AXDND1: variants seen among roughly 807,000 people sequenced by gnomAD.
The protein encoded by AXDND1 is axonemal dynein light chain domain containing 1, also known as axonemal dynein light chain domain-containing protein 1.
AXDND1 carries 110 observed loss-of-function variants against 137.5 expected under a neutral mutation model. The ratio of observed to expected loss-of-function variants is 0.80; its 90% confidence interval spans 0.69 to 0.94. The LOEUF is 0.94. Ranked by LOEUF, AXDND1 falls within the 40% of genes least tolerant of loss-of-function variation. The pLI, the probability that AXDND1 is intolerant of heterozygous loss-of-function variation, is 0.00. For missense variants in AXDND1, 1,191 were observed against 1,169.8 expected (o/e 1.02, Z -0.26); for synonymous variants, 414 against 399.7 (o/e 1.04, Z -0.43).
rs369066860 is a variant in AXDND1 at position 179,430,513 on chromosome 1, A to G, written c.1394A>G (p.Lys465Arg). 11 of 1,613,956 alleles carry G rather than the reference A, an allele frequency of 6.8e-6. No individual in the cohort carries two copies. Among genetic ancestry groups the G allele is most frequent in the Non-Finnish European group, 8.5e-6 (10 of 1,179,992 alleles). ...CAAAAATGGAGAAACTTAGTGAATA[A>G]ACTTAAACAAGAGGTAGAACAAATG... ...LTQKWRNLVN[K>R]LKQEVEQMEE... The change falls in exon 14 of 26, where the codon AAA becomes AGA. Residue 465 changes from lysine (K) to arginine (R), a missense_variant. Physicochemically the swap from Lys to Arg is conservative, Grantham distance 26. Transcript: ENST00000367618.
chr1:179,530,236 G>A (rs1331640950), intron 23 of AXDND1, among the ~76,000 whole-genome samples: 1 of 152,014 alleles, frequency 6.6e-6, no homozygotes, highest in Non-Finnish European at 1.5e-5. Flanking sequence ...TCATTATGTT[G>A]GTCAGGCTGG....
chr1:179,421,124 T>G (rs146755662), intron 12 of AXDND1, among the ~76,000 whole-genome samples: 1 of 150,614 alleles, frequency 6.6e-6, no homozygotes, highest in Admixed American at 6.7e-5. Context: ...GATGGTTGGC[T>G]ATATATGCAT....
chr1:179,527,535 A>T (rs1238347071), intron 22 of AXDND1, among the ~76,000 whole-genome samples: 1 of 152,174 alleles, frequency 6.6e-6, no homozygotes, highest in African/African-American at 2.4e-5. Flanking sequence ...TGAAGTCAAC[A>T]GTTACACTAG....
intron 21 of AXDND1, among the ~76,000 whole-genome samples, chr1:179,524,986 A>G (rs1670397531): frequency 6.6e-6 from 1 of 152,144 alleles, no homozygotes. Flanking sequence ...AATCATGTGC[A>G]TGGAACATCC....
chr1:179,485,742 C>A (rs1205583032), intron 18 of AXDND1, among the ~76,000 whole-genome samples: 1 of 102,684 alleles, frequency 9.7e-6, no homozygotes, highest in East Asian at 4.8e-4. Context: ...AGATCATCAA[C>A]GTACAAGAAA....
chr1:179,495,026 G>C (rs1667302359), intron 20 of AXDND1, among the ~76,000 whole-genome samples: 1 of 151,972 alleles, frequency 6.6e-6, no homozygotes, highest in African/African-American at 2.4e-5. Flanking sequence ...TATATGTCTT[G>C]GTATTATTCT....
chr1:179,411,962 C>G (rs1653968465), intron 12 of AXDND1, among the ~76,000 whole-genome samples: 1 of 152,044 alleles, frequency 6.6e-6, no homozygotes, highest in African/African-American at 2.4e-5. Context: ...AGCAATTCTC[C>G]CACCTCAGCC....
At chr1:179,551,692 G>A in intron 25 of AXDND1, 1 of 527,158 alleles carries the variant, frequency 1.9e-6, no homozygotes, top group Non-Finnish European at 3.4e-6. Flanking sequence ...AAGTATTAGG[G>A]GAGTTATTAG....
intron 11 of AXDND1, among the ~76,000 whole-genome samples, chr1:179,403,454 A>G (rs1037707136): frequency 2.0e-5 from 3 of 152,216 alleles, no homozygotes; most frequent in African/African-American, 7.2e-5. Flanking sequence ...GTGTTATTCA[A>G]GGTTTATGTT....
rs1659020153 is a variant in AXDND1, at chr1:179,441,766, T to C, written c.1564-3204T>C. The stretch of plus-strand genomic sequence containing the variant: ...TGCCATTTAACATTCCAGGTCTGAA[T>C]AAGGGCTATTACCTAACAGCATATC... On this transcript the variant is annotated intron_variant, in intron 15 of 25. Coordinates refer to ENST00000367618, the MANE Select transcript of AXDND1 (RefSeq NM_144696.6). 3.9e-5 allele frequency among the ~76,000 whole-genome samples: 6 copies of C among 152,204 alleles called. No homozygotes were observed. In the South Asian group the frequency reaches 1.0e-3, roughly 26 times the overall value.
In AXDND1 at chr1:179,499,257, G is replaced by T. The variant is rs145518844; in HGVS notation, c.2388+6306G>T. On this transcript the variant is annotated intron_variant, in intron 20 of 25. Coordinates refer to ENST00000367618, the MANE Select transcript of AXDND1 (RefSeq NM_144696.6). ...TATTTATATAATAGAACATTATTTG[G>T]CAGTAAAGAAGTACTGATACATGCA... Among the ~76,000 whole-genome samples, 180 of 152,200 alleles carry T rather than the reference G, an allele frequency of 1.2e-3. 1 individual carries two copies. Among genetic ancestry groups the T allele is most frequent in the African/African-American group, 4.1e-3 (172 of 41,542 alleles).
At chr1:179,486,668 C>G (rs1003454155) in intron 18 of AXDND1, among the ~76,000 whole-genome samples, 3 of 148,782 alleles carry the variant, frequency 2.0e-5, no homozygotes, top group Admixed American at 1.3e-4. Flanking sequence ...AAATTGTGGG[C>G]TTATGTTCAG....
At chr1:179,525,636 A>G (rs1670465073) in intron 22 of AXDND1, among the ~76,000 whole-genome samples, 189 bp downstream of exon 22, 1 of 152,100 alleles carries the variant, frequency 6.6e-6, no homozygotes, top group African/African-American at 2.4e-5. Context: ...AGCTAGGACT[A>G]CAGGCATGCA....
At chr1:179,550,845 A>G (rs1356025799) in intron 25 of AXDND1, 2 of 379,382 alleles carry the variant, frequency 5.3e-6, no homozygotes, top group Admixed American at 7.4e-5. Flanking sequence ...CAGAGGACAT[A>G]CAGTGAAAGG....
At chr1:179,523,977 C>G (rs1197289892) in intron 21 of AXDND1, among the ~76,000 whole-genome samples, 1 of 152,102 alleles carries the variant, frequency 6.6e-6, no homozygotes, top group Non-Finnish European at 1.5e-5. Context: ...TTTTCCATTC[C>G]TGAGTTACTT....
intron 21 of AXDND1, among the ~76,000 whole-genome samples, chr1:179,514,164 A>G (rs1257034876): frequency 6.6e-6 from 1 of 151,888 alleles, no homozygotes; most frequent in Non-Finnish European, 1.5e-5. Flanking sequence ...TGACCTTAGA[A>G]TGTCGGTTTG....
At chr1:179,417,973 TA>T (rs1558147920) in intron 12 of AXDND1, among the ~76,000 whole-genome samples, 2 of 149,848 alleles carry the variant, frequency 1.3e-5, no homozygotes. Context: ...TATTTTTATT[TA>T]TTTATTTTTA....
At chr1:179,419,380 G>A (rs1655290555) in intron 12 of AXDND1, among the ~76,000 whole-genome samples, 1 of 150,668 alleles carries the variant, frequency 6.6e-6, no homozygotes, top group African/African-American at 2.4e-5. Flanking sequence ...GGGAGGCCAA[G>A]GCTGGCGGAT....
At chr1:179,436,001 A>G (rs1658098423) in intron 15 of AXDND1, among the ~76,000 whole-genome samples, 1 of 152,136 alleles carries the variant, frequency 6.6e-6, no homozygotes, top group African/African-American at 2.4e-5. Context: ...AGAAAAAAAA[A>G]TGAACAACCC....
Sources: gnomAD v4.1 joint callset for allele counts (sites outside exome capture counted in the v4.1 genomes callset) on GRCh38, gnomAD v4.1.1 for gene constraint, MANE v1.5 for transcripts, NCBI Gene and HGNC (gene_info 2026-07-23, HGNC 2026-07-21) for gene names.